COL6A2: variants seen among roughly 807,000 people sequenced by gnomAD.
COL6A2 encodes collagen type VI alpha 2 chain.
In COL6A2, 90 loss-of-function variants were observed where a neutral mutation model predicts 124.9. The ratio of observed to expected loss-of-function variants is 0.72; its 90% CI spans 0.61 to 0.86. COL6A2 has a LOEUF of 0.86. Among genes scored for constraint, COL6A2 ranks in the 40% least tolerant of loss-of-function variants. The probability of loss-of-function intolerance (pLI) is 0.00; values close to 1 mark genes in which losing one functional copy is unlikely to be tolerated. For synonymous variants in COL6A2, 793 were observed against 618.2 expected (o/e 1.28, Z -4.19); for missense variants, 1,607 against 1,502.5 (o/e 1.07, Z -1.15).
chr21:46,122,507 C>T lies in COL6A2; in HGVS notation c.1584C>T (p.Gly528=), dbSNP rs566854019. ...TGTTTGCTTCACAGGGAGAAAAAGG[C>T]GAGCCCGGCCCACGCGGCCCCGAGG... ...PGPRGAPGEK[G]EPGPRGPEGG... is the part of the protein sequence containing the mutation. The change falls in exon 20 of 28, where the codon GGC becomes GGT. Residue 528 remains glycine, a synonymous_variant. Transcript: ENST00000300527. The T allele has an allele frequency of 1.2e-5, 19 of 1,612,772 alleles. No homozygotes were observed. The highest frequency in any genetic ancestry group is 2.7e-5 in the African/African-American group (2 of 75,004).
chr21:46,122,633 T>C, intron 20 of COL6A2, 102 bp downstream of exon 20: 1 of 1,350,190 alleles, frequency 7.4e-7, no homozygotes. Flanking sequence ...ACCACCCCTG[T>C]CTTGAGATGG....
At chr21:46,104,453 C>T (rs963917018) in intron 1 of COL6A2, among the ~76,000 whole-genome samples, 3 of 152,038 alleles carry the variant, frequency 2.0e-5, no homozygotes, top group Non-Finnish European at 4.4e-5. Context: ...AATCAGGGAA[C>T]TTGAAGATAC....
rs1261759957 is a variant in COL6A2 at position 46,116,789 on chromosome 21, G to C, written c.974G>C (p.Gly325Ala). Residue 325 changes from glycine to alanine, a missense_variant, in exon 10 of 28, where the codon GGC (glycine) becomes GCC (alanine). By Grantham distance (60) the Gly-to-Ala change is moderately conservative. Coordinates refer to ENST00000300527, the MANE Select transcript of COL6A2 (RefSeq NM_001849.4). This position sits in a 1 kb window ranked among gnomAD's most constrained non-coding sequence, Gnocchi z 4.6. ...DGRKGAPGLAGKNGTDGQKGK... is the reference protein window; with the variant it reads ...DGRKGAPGLAAKNGTDGQKGK... The stretch of plus-strand genomic sequence containing the variant: ...CTTCAGGGGGCCCCTGGCCTGGCTG[G>C]CAAGAACGGGACCGATGGACAGAAG... 1.2e-6 allele frequency: 2 copies of C among 1,613,008 alleles called. No homozygotes were observed. The highest frequency in any genetic ancestry group is 2.2e-5 in the South Asian group (2 of 91,080).
intron 1 of COL6A2, among the ~76,000 whole-genome samples, chr21:46,104,413 C>A (rs1463823887): frequency 1.3e-5 from 2 of 152,084 alleles, no homozygotes; most frequent in African/African-American, 4.8e-5. Context: ...TAGAGAAATG[C>A]AAAGGCAGAT....
Position 46,128,896 on chromosome 21 carries a change from G to A in COL6A2, c.2461+2355G>A, listed in dbSNP as rs769355903. On this transcript the variant is annotated intron_variant, in intron 27 of 27. Coordinates refer to ENST00000300527, the MANE Select transcript of COL6A2 (RefSeq NM_001849.4). Reference sequence around the variant, plus strand: ...CCCTACTGGAGTTTGGCCTGTCTCCGGCACAGGTTTGGACGGAGCTGTTTT... The same window carrying A: ...CCCTACTGGAGTTTGGCCTGTCTCCAGCACAGGTTTGGACGGAGCTGTTTT... 126 of 1,611,136 alleles carry A rather than the reference G, an allele frequency of 7.8e-5. 1 individual carries two copies. The highest frequency in any genetic ancestry group is 1.6e-4 in the Middle Eastern group (1 of 6,082).
chr21:46,124,653 G>A lies in COL6A2; in HGVS notation c.1674G>A (p.Ala558=), dbSNP rs144334894. 361 of 1,612,912 alleles carry A rather than the reference G, an allele frequency of 2.2e-4. No homozygotes were observed. The highest frequency in any genetic ancestry group is 8.3e-4 in the Middle Eastern group (5 of 6,058). ...CACCTGTTCTTGTTCCTTCTCAGGCGGATCCTGGTCCCCCTGGTGAGCCAG... is the reference window on the plus strand; with the variant it reads ...CACCTGTTCTTGTTCCTTCTCAGGCAGATCCTGGTCCCCCTGGTGAGCCAG... ...PGRKGEKGEP[A]DPGPPGEPGP... Residue 558 remains alanine (A), a splice_region_variant and synonymous_variant, in exon 22 of 28, where the codon GCG becomes GCA. Coordinates refer to ENST00000300527, the MANE Select transcript of COL6A2 (RefSeq NM_001849.4).
chr21:46,110,673 C>G (rs1414247028), intron 1 of COL6A2, among the ~76,000 whole-genome samples: 1 of 152,238 alleles, frequency 6.6e-6, no homozygotes, highest in Non-Finnish European at 1.5e-5. Flanking sequence ...GAGGGCGGCA[C>G]TCCAATCCCT....
At chr21:46,113,734 C>CTAT in intron 4 of COL6A2, 3 of 541,554 alleles carry the variant, frequency 5.5e-6, no homozygotes, top group South Asian at 4.1e-5. Context: ...TTCTTCCCTT[C>CTAT]TATTTTCTGT....
intron 21 of COL6A2, 136 bp downstream of exon 21, chr21:46,123,073 C>T (rs1024614131): frequency 6.9e-6 from 6 of 865,968 alleles, no homozygotes; most frequent in African/African-American, 5.0e-5. Flanking sequence ...CCCCACCTTC[C>T]TAAAGGGAAC....
At chr21:46,122,561 A>ACCCC (rs768863804) in intron 20 of COL6A2, 30 bp downstream of exon 20, 4 of 1,611,780 alleles carry the variant, frequency 2.5e-6, no homozygotes. Context: ...ACCTGTGCCC[A>ACCCC]CCCAGGGTGG....
In COL6A2 at chr21:46,120,591, G is replaced by A; in HGVS notation, c.1395+14G>A. ...AAAGGAGCCAAGGTAGGGGAGCAGG[G>A]TGGGCCGCACCCCAAGGTAGGGGAT... is the stretch of plus-strand genomic sequence containing the variant. On this transcript the variant is annotated intron_variant, in intron 16 of 27. Coordinates refer to ENST00000300527, the MANE Select transcript of COL6A2 (RefSeq NM_001849.4). The A allele has an allele frequency of 2.1e-6, 3 of 1,456,022 alleles. No homozygotes were observed. The highest frequency in any genetic ancestry group is 2.7e-6 in the Non-Finnish European group (3 of 1,103,282). 90.2% of individuals were successfully genotyped at this position (1,456,022 alleles called of 1,614,324 possible).
rs1454106701 is a variant in COL6A2 at position 46,115,863 on chromosome 21, T to C, written c.802-9T>C. ...CCCTGCCTCGATGTACTCTTTTCTC[T>C]GCTTTTAGGGTGCCAAGGGCAACAT... On this transcript the variant is annotated splice_polypyrimidine_tract_variant and intron_variant, in intron 5 of 27. Transcript: ENST00000300527. The C allele has an allele frequency of 1.9e-6, 3 of 1,612,634 alleles. No individual in the cohort carries two copies. The African/African-American group carries it at 4.0e-5, about 22-fold the overall frequency.
At chr21:46,115,782 G>C (rs2078460669) in intron 5 of COL6A2, 90 bp from the exon 6 acceptor site, 1 of 1,174,310 alleles carries the variant, frequency 8.5e-7, no homozygotes, top group Admixed American at 1.9e-5. Flanking sequence ...AACCTCTGCT[G>C]TGTCACCTCT....
Position 46,132,290 on chromosome 21 carries a change from G to A in COL6A2, c.2798G>A (p.Arg933His), listed in dbSNP as rs374384263. The change falls in exon 28 of 28, where the codon CGT becomes CAT. Residue 933 changes from arginine to histidine, a missense_variant. Arg to His is a conservative substitution (Grantham distance 29). Around this residue, in one of 3 missense-constraint regions of COL6A2, gnomAD observed 1,223 missense variants for 1,052.2 expected, o/e 1.16. Coordinates refer to ENST00000300527, the MANE Select transcript of COL6A2 (RefSeq NM_001849.4). Reference sequence around the variant, plus strand: ...ATCAATGCCATCGTGCGCAGCCCGCGTGGCGGGGCCCGGAGGCACGCAGAG... The same window carrying A: ...ATCAATGCCATCGTGCGCAGCCCGCATGGCGGGGCCCGGAGGCACGCAGAG... ...HAINAIVRSPRGGARRHAELS... is the reference protein window; with the variant it reads ...HAINAIVRSPHGGARRHAELS... The A allele has an allele frequency of 1.3e-4, 214 of 1,606,564 alleles. No homozygotes were observed. Among genetic ancestry groups the A allele is most frequent in the East Asian group, 4.9e-4 (22 of 44,812 alleles).
At position 46,132,714 on chromosome 21, in the gene COL6A2, C is replaced by T. The variant is rs541071675; in HGVS notation, c.*162C>T. 68 of 723,302 alleles carry T rather than the reference C, an allele frequency of 9.4e-5. No homozygotes were observed. Among genetic ancestry groups the T allele is most frequent in the Non-Finnish European group, 1.2e-4 (51 of 438,304 alleles). The allele number at this position is 723,302 out of a possible 1,614,324, so 44.8% of individuals were successfully genotyped here. A position where few individuals can be genotyped will look rare whatever the true frequency, so the allele number is the denominator to read the frequency against. On this transcript the variant is annotated 3_prime_UTR_variant, in exon 28 of 28. Transcript: ENST00000300527. ...ACGGGGTCCCCGTAGCCCCGGCCCC[C>T]GCCCAGCCCCAGGTCTCCCCAGGCC...
chr21:46,121,101 C>A lies in COL6A2; in HGVS notation c.1436C>A (p.Ala479Asp). 6.2e-7 allele frequency: 1 copy of A among 1,612,804 alleles called. No homozygotes were observed. Among genetic ancestry groups the A allele is most frequent in the Non-Finnish European group, 8.5e-7 (1 of 1,179,962 alleles). The part of the protein sequence containing the change: ...GLPGPRGPQG[A>D]LGEPGKQGSR... Reference sequence around the variant, plus strand: ...CCTGGACCCAGAGGCCCCCAGGGAGCTCTTGGGGAGCCCGGAAAGCAGGTC... The same window carrying A: ...CCTGGACCCAGAGGCCCCCAGGGAGATCTTGGGGAGCCCGGAAAGCAGGTC... The change falls in exon 17 of 28, where the codon GCT becomes GAT. Residue 479 changes from alanine to aspartate, a missense_variant. Transcript: ENST00000300527.
chr21:46,131,310 G>T (rs1045329476), intron 27 of COL6A2, among the ~76,000 whole-genome samples: 1 of 152,230 alleles, frequency 6.6e-6, no homozygotes, highest in African/African-American at 2.4e-5. Flanking sequence ...TGTCCCCGAT[G>T]CCCAGGGCTG....
At chr21:46,124,293 TTGGGCGAA>T (rs200100948) in intron 21 of COL6A2, among the ~76,000 whole-genome samples, 1,817 of 151,192 alleles carry the variant, frequency 0.012, 17 homozygotes, top group Middle Eastern at 0.041. Context: ...GGATGGGTGA[TTGGGCGAA>T]TGGGCGAATG....
chr21:46,123,751 AATGGATGAGTGGGGGGATGG>A (rs1355375397), intron 21 of COL6A2, among the ~76,000 whole-genome samples: 2 of 122,780 alleles, frequency 1.6e-5, no homozygotes, highest in Middle Eastern at 6.1e-3. Flanking sequence ...TGGATGGCTG[AATGGATGAGTGGGGGGATGG>A]ATGGGTGAGT....
Sources: allele counts gnomAD v4.1 joint callset (sites outside exome capture counted in the v4.1 genomes callset), GRCh38; gene constraint gnomAD v4.1.1; regional missense constraint gnomAD v4.1.1; non-coding constraint Gnocchi (gnomAD v3.1); transcripts MANE v1.5; gene names NCBI Gene and HGNC (gene_info 2026-07-23, HGNC 2026-07-21).